The following EEPD1 variants were observed in gnomAD, a reference collection of about 807,000 sequenced individuals.
EEPD1 encodes endonuclease/exonuclease/phosphatase family domain containing 1.
A neutral mutation model predicts 46.3 loss-of-function variants in EEPD1; 17 were observed. The ratio of observed to expected loss-of-function variants is 0.37; its 90% CI spans 0.25 to 0.55. The LOEUF (loss-of-function observed/expected upper bound fraction) is 0.55. EEPD1 is among the 20% of genes least tolerant of loss of function. The pLI, the probability that EEPD1 is intolerant of heterozygous loss-of-function variation, is 0.83. For missense variants in EEPD1, 673 were observed against 745.6 expected, an observed-to-expected ratio of 0.90 and a Z score of 1.13; for synonymous variants, 313 against 315.6, an observed-to-expected ratio of 0.99 and a Z score of 0.09.
At chr7:36,273,142 A>ACACACACACACACACT (rs1787136887) in intron 3 of EEPD1, among the ~76,000 whole-genome samples, 2 of 151,568 alleles carry the variant, frequency 1.3e-5, no homozygotes, top group Non-Finnish European at 2.9e-5. Context: ...ACACACACAC[A>ACACACACACACACACT]CACACACACA....
intron 3 of EEPD1, among the ~76,000 whole-genome samples, chr7:36,279,429 A>G (rs1787228908): frequency 6.6e-6 from 1 of 152,224 alleles, no homozygotes; most frequent in African/African-American, 2.4e-5. Flanking sequence ...TTGTCCCTCT[A>G]GAAATGACTA....
At chr7:36,184,329 G>T (rs1274648284) in intron 2 of EEPD1, among the ~76,000 whole-genome samples, 2 of 152,136 alleles carry the variant, frequency 1.3e-5, no homozygotes, top group Non-Finnish European at 2.9e-5. Context: ...TGGCCAGCTG[G>T]CTGTGTCCTG....
At chr7:36,160,678 G>GGT (rs1554308591) in intron 2 of EEPD1, among the ~76,000 whole-genome samples, 8 of 145,234 alleles carry the variant, frequency 5.5e-5, no homozygotes, top group African/African-American at 1.8e-4. Flanking sequence ...GGAGGTGGTG[G>GGT]GGGGCGGGGC....
chr7:36,280,345 C>T (rs192997214), intron 3 of EEPD1, among the ~76,000 whole-genome samples: 41 of 152,138 alleles, frequency 2.7e-4, no homozygotes, highest in Admixed American at 6.5e-4. Flanking sequence ...GGCTCTCACT[C>T]GTAGGGGTGG....
In EEPD1 at chr7:36,300,113, C is replaced by A. The variant is rs1787596596; in HGVS notation, c.*907C>A. 1 of 152,350 alleles carries A rather than the reference C, an allele frequency of 6.6e-6. No individual in the cohort carries two copies. The highest frequency in any genetic ancestry group is 6.5e-5 in the Admixed American group (1 of 15,286). The allele number at this position is 152,350 out of a possible 1,614,324, so 9.4% of individuals were successfully genotyped here. On this transcript the variant is annotated 3_prime_UTR_variant, in exon 8 of 8. Coordinates refer to ENST00000242108, the MANE Select transcript of EEPD1 (RefSeq NM_030636.3). ...CCTCCCCACTCACTCCAGTTTTTAG[C>A]CCGGAGCCTCCTGTGGTTGACTATC... is the stretch of plus-strand genomic sequence containing the variant.
intron 2 of EEPD1, among the ~76,000 whole-genome samples, chr7:36,232,561 A>G (rs1465948887): frequency 6.7e-6 from 1 of 148,316 alleles, no homozygotes; most frequent in Non-Finnish European, 1.5e-5. Context: ...CCCTCCCCCT[A>G]CTCCTAATGC....
intron 3 of EEPD1, among the ~76,000 whole-genome samples, chr7:36,263,133 A>G (rs867891439): frequency 6.6e-6 from 1 of 152,100 alleles, no homozygotes; most frequent in African/African-American, 2.4e-5. Flanking sequence ...GAGTTTCAAA[A>G]CCAGCCTGGG....
intron 3 of EEPD1, among the ~76,000 whole-genome samples, chr7:36,280,836 G>A (rs1431651730): frequency 6.6e-6 from 1 of 152,218 alleles, no homozygotes; most frequent in Non-Finnish European, 1.5e-5. Flanking sequence ...AACTGTTTGG[G>A]CAGGAATGCT....
At chr7:36,187,202 C>T (rs548974150) in intron 2 of EEPD1, among the ~76,000 whole-genome samples, 10 of 152,254 alleles carry the variant, frequency 6.6e-5, no homozygotes, top group South Asian at 4.1e-4. Context: ...AAATATTAAG[C>T]GACATCACTT....
Position 36,237,767 on chromosome 7 carries a change from A to G in EEPD1, c.879-1218A>G, listed in dbSNP as rs528017146. ...GGAGTTCAAGACCCGCCTGGCCAAC[A>G]TGGTGAAACCCTGTCTGTACTAAAA... is the stretch of plus-strand genomic sequence containing the variant. On this transcript the variant is annotated intron_variant, in intron 2 of 7. Coordinates refer to ENST00000242108, the MANE Select transcript of EEPD1 (RefSeq NM_030636.3). Among the ~76,000 whole-genome samples the G allele has an allele frequency of 4.6e-5, 7 of 152,266 alleles. No individual in the cohort carries two copies. In the South Asian group the frequency reaches 8.3e-4, roughly 18 times the overall value.
rs1391037989 is a variant in EEPD1 at position 36,235,111 on chromosome 7, CACAGCCTCCAGCCCAGGCCTCCCCT to C, written c.879-3836_879-3812del. ...CATAGCCTCCAGCCCAGGCCTTCCC[CACAGCCTCCAGCCCAGGCCTCCCCT>C]ACAGCCTCCAGCCCAGGCCTCCCCT... On this transcript the variant is annotated intron_variant, in intron 2 of 7. Coordinates refer to ENST00000242108, the MANE Select transcript of EEPD1 (RefSeq NM_030636.3). Among the ~76,000 whole-genome samples the C allele has an allele frequency of 2.5e-3, 369 of 145,008 alleles. 1 individual carries two copies. Among genetic ancestry groups the C allele is most frequent in the Non-Finnish European group, 3.9e-3 (258 of 66,734 alleles).
chr7:36,292,249 A>C (rs553154303), intron 6 of EEPD1, among the ~76,000 whole-genome samples: 16 of 152,284 alleles, frequency 1.1e-4, no homozygotes, highest in Admixed American at 7.8e-4. Flanking sequence ...AGGCTTGCCC[A>C]AGGTCACGAA....
intron 2 of EEPD1, among the ~76,000 whole-genome samples, chr7:36,200,902 C>T (rs747373924): frequency 6.6e-6 from 1 of 152,142 alleles, no homozygotes; most frequent in Non-Finnish European, 1.5e-5. Flanking sequence ...TTATTCATCA[C>T]AAAGGGGCAA....
chr7:36,170,858 C>T (rs1274036602), intron 2 of EEPD1, among the ~76,000 whole-genome samples: 3 of 152,140 alleles, frequency 2.0e-5, no homozygotes, highest in Non-Finnish European at 2.9e-5. Context: ...TGTCTCCTTC[C>T]ATCTTATCTT....
chr7:36,253,805 C>T (rs1414764417), intron 3 of EEPD1, among the ~76,000 whole-genome samples: 1 of 152,138 alleles, frequency 6.6e-6, no homozygotes, highest in East Asian at 1.9e-4. Flanking sequence ...CTATTACATT[C>T]AGTTACGTAT....
At chr7:36,221,971 AC>A (rs1786152575) in intron 2 of EEPD1, among the ~76,000 whole-genome samples, 1 of 152,070 alleles carries the variant, frequency 6.6e-6, no homozygotes, top group Non-Finnish European at 1.5e-5. Context: ...ATACTCCCTT[AC>A]CTGGCTTTAT....
In EEPD1 at chr7:36,284,133, C is replaced by T. The variant is rs1456890300; in HGVS notation, c.1042-553C>T. Among the ~76,000 whole-genome samples, 16 of 152,316 alleles carry T rather than the reference C, an allele frequency of 1.1e-4. No homozygotes were observed. In the East Asian group the frequency reaches 1.5e-3, roughly 15 times the overall value. ...GCCCCATCCACCTGCGGAGGGCCCT[C>T]GAGCAGCCCCAAGCCATTAGGTCAA... On this transcript the variant is annotated intron_variant, in intron 4 of 7. Coordinates refer to ENST00000242108, the MANE Select transcript of EEPD1 (RefSeq NM_030636.3).
intron 2 of EEPD1, among the ~76,000 whole-genome samples, chr7:36,233,406 A>G (rs1240862748): frequency 6.6e-6 from 1 of 152,254 alleles, no homozygotes; most frequent in African/African-American, 2.4e-5. Context: ...GCTGGAATGT[A>G]TGAGCTATGA....
At chr7:36,239,633 A>G (rs1786519785) in intron 3 of EEPD1, among the ~76,000 whole-genome samples, 2 of 152,152 alleles carry the variant, frequency 1.3e-5, no homozygotes, top group South Asian at 2.1e-4. Context: ...TGTGCCCTGG[A>G]AGAGATCCCC....
Sources: gnomAD v4.1 joint callset for allele counts (sites outside exome capture counted in the v4.1 genomes callset) on GRCh38, gnomAD v4.1.1 for gene constraint, MANE v1.5 for transcripts, NCBI Gene and HGNC (gene_info 2026-07-23, HGNC 2026-07-21) for gene names.